The following MICALL2 variants were observed in gnomAD, a reference collection of about 807,000 sequenced individuals.
MICALL2 encodes MICAL like 2.
A neutral mutation model predicts 91.1 loss-of-function variants in MICALL2; 111 were observed. The observed-to-expected ratio is 1.22, with a 90% CI of 1.04 to 1.43. MICALL2 has a LOEUF of 1.43. MICALL2 is among the 40% of genes most tolerant of loss of function. The pLI is 0.00. For synonymous variants in MICALL2, 694 were observed against 525.3 expected (o/e 1.32, Z -4.39); for missense variants, 1,556 against 1,236.0 (o/e 1.26, Z -3.88).
At chr7:1,445,821 C>A (rs1584220781) in intron 5 of MICALL2, among the ~76,000 whole-genome samples, 1 of 152,180 alleles carries the variant, frequency 6.6e-6, no homozygotes, top group South Asian at 2.1e-4. Flanking sequence ...ACTGGGAGGA[C>A]CGGCCCACCC....
intron 2 of MICALL2, among the ~76,000 whole-genome samples, chr7:1,449,952 C>T (rs1409841610): frequency 1.1e-3 from 2 of 1,884 alleles, no homozygotes; most frequent in African/African-American, 0.014. Flanking sequence ...TGGGCTGAGC[C>T]CCCTTGCAGT....
intron 7 of MICALL2, chr7:1,441,016 C>T (rs1370667263): frequency 2.4e-5 from 8 of 338,402 alleles, no homozygotes; most frequent in Non-Finnish European, 4.0e-5. Flanking sequence ...ACCTGAGCCA[C>T]GGCTGCCCGT....
At position 1,435,130 on chromosome 7, in the gene MICALL2, TG is replaced by T. The variant is rs777111830; in HGVS notation, c.2608del (p.Gln870ArgfsTer6). ...CTTCTCAATCATGTCCCGCAGCATC[TG>T]ATCCTCCTCTTGTTCCCTGAAACGG... is the stretch of plus-strand genomic sequence containing the variant. ...EDRLREQEED[Q>X]MLRDMIEKLG... On this transcript the variant is annotated frameshift_variant, in exon 16 of 17. Coordinates refer to ENST00000297508, the MANE Select transcript of MICALL2 (RefSeq NM_182924.4). LOFTEE classifies it high-confidence loss of function. 1.9e-6 allele frequency: 3 copies of T among 1,613,528 alleles called. No homozygotes were observed. The highest frequency in any genetic ancestry group is 3.3e-5 in the Admixed American group (2 of 60,016).
intron 13 of MICALL2, 80 bp downstream of exon 13, chr7:1,437,810 C>A (rs1780046999): frequency 1.5e-6 from 2 of 1,370,920 alleles, no homozygotes; most frequent in East Asian, 2.5e-5. Context: ...CCTGACTCTG[C>A]GCTCCTGTCC....
At chr7:1,439,083 G>A (rs954699640) in intron 9 of MICALL2, 88 bp from the exon 10 acceptor site, 10 of 1,078,914 alleles carry the variant, frequency 9.3e-6, no homozygotes, top group African/African-American at 7.9e-5. Context: ...ACAGCTCGCT[G>A]GGTAGCCCGG....
chr7:1,448,804 C>T (rs747848876), intron 2 of MICALL2, 43 bp from the exon 3 acceptor site: 2 of 1,606,576 alleles, frequency 1.2e-6, no homozygotes, highest in Non-Finnish European at 1.7e-6. Flanking sequence ...CTGGGAGCCC[C>T]CTCCTTCTCC....
chr7:1,458,866 G>A (rs1354736291), intron 1 of MICALL2, among the ~76,000 whole-genome samples: 3 of 152,238 alleles, frequency 2.0e-5, no homozygotes, highest in Non-Finnish European at 2.9e-5. Context: ...GCCTCGGAGG[G>A]CCCAAAGAGG....
intron 16 of MICALL2, 112 bp downstream of exon 16, chr7:1,434,989 C>A (rs868022991): frequency 7.9e-6 from 2 of 253,730 alleles, no homozygotes; most frequent in South Asian, 5.3e-5. Flanking sequence ...ATACCCGCCC[C>A]CCCCCCACCC....
At position 1,445,019 on chromosome 7, in the gene MICALL2, C is replaced by G. The variant is rs1408966509; in HGVS notation, c.1051G>C (p.Ala351Pro). ...TNSSPMGWSS[A>P]APCTAAAASH... ...GCAGCCGCTGCTGTGCACGGGGCAG[C>G]TGACGACCAGCCCATCGGGGAGCTA... The change falls in exon 6 of 17, where the codon GCT (alanine) becomes CCT (proline). Residue 351 changes from alanine to proline, a missense_variant. Physicochemically the swap from Ala to Pro is conservative, Grantham distance 27 (BLOSUM62 -1). Transcript: ENST00000297508. 2 of 1,524,544 alleles carry G rather than the reference C, an allele frequency of 1.3e-6. No homozygotes were observed. Among genetic ancestry groups the G allele is most frequent in the African/African-American group, 2.8e-5 (2 of 72,666 alleles). 94.4% of individuals were successfully genotyped at this position (1,524,544 alleles called of 1,614,324 possible). A position where few individuals can be genotyped will look rare whatever the true frequency, so the allele number is the denominator to read the frequency against.
chr7:1,440,708 G>C lies in MICALL2; in HGVS notation c.1712-24C>G, dbSNP rs373863334. ...GTCTGGGTGGGAGGCAAGGGGTCTG[G>C]GTGTGAGGAAGGAGTGCTGGGAATG... On this transcript the variant is annotated intron_variant, in intron 7 of 16. Transcript: ENST00000297508. The C allele has an allele frequency of 2.8e-4, 450 of 1,597,504 alleles. 1 individual carries two copies. In the African/African-American group the frequency reaches 5.5e-3, roughly 20 times the overall value.
At chr7:1,446,683 C>A in intron 5 of MICALL2, 30 bp downstream of exon 5, 1 of 1,516,936 alleles carries the variant, frequency 6.6e-7, no homozygotes, top group Non-Finnish European at 9.0e-7. Context: ...GAGGTGCACA[C>A]TCAGGCGTGC....
chr7:1,439,614 CAT>C, intron 9 of MICALL2: 1 of 309,956 alleles, frequency 3.2e-6, no homozygotes, highest in Non-Finnish European at 5.9e-6. Context: ...TCACACATCA[CAT>C]ACATGAACAG....
intron 10 of MICALL2, chr7:1,438,629 C>T (rs1412496126): frequency 7.0e-7 from 1 of 1,421,080 alleles, no homozygotes; most frequent in Admixed American, 2.9e-5. Context: ...ATTCCATCAT[C>T]ACCATGAGTC....
At chr7:1,442,066 G>C (rs1474542365) in intron 7 of MICALL2, 126 bp downstream of exon 7, 7 of 1,095,796 alleles carry the variant, frequency 6.4e-6, no homozygotes, top group Middle Eastern at 3.1e-4. Flanking sequence ...ACGGAGGACA[G>C]AGATGAGACG....
Position 1,445,314 on chromosome 7 carries a change from CA to C in MICALL2, c.755del (p.Leu252Ter). Reference protein sequence around the residue: ...LPAAASASPKLTGLVPRQPGA... With the variant: ...LPAAASASPKXTGLVPRQPGA... ...CTGGCTGTCGGGGGACCAGACCCGT[CA>C]ACTTGGGGCTTGCAGAGGCGGCTGC... On this transcript the variant is annotated frameshift_variant, in exon 6 of 17. Coordinates refer to ENST00000297508, the MANE Select transcript of MICALL2 (RefSeq NM_182924.4). LOFTEE classifies it high-confidence loss of function. 1 of 1,611,386 alleles carries C rather than the reference CA, an allele frequency of 6.2e-7. No homozygotes were observed.
chr7:1,456,684 T>C (rs977682912), intron 1 of MICALL2, among the ~76,000 whole-genome samples: 5 of 152,114 alleles, frequency 3.3e-5, no homozygotes, highest in African/African-American at 4.8e-5. Flanking sequence ...GGTGGGAGGA[T>C]TGCTTGAGTC....
Position 1,447,639 on chromosome 7 carries a change from G to A in MICALL2, c.461C>T (p.Pro154Leu), listed in dbSNP as rs1191612647. The A allele has an allele frequency of 1.3e-6, 2 of 1,597,726 alleles. No individual in the cohort carries two copies. Among genetic ancestry groups the A allele is most frequent in the South Asian group, 1.1e-5 (1 of 88,026 alleles). Reference sequence around the variant, plus strand: ...CTGGACCACAGGGTTTGTCTGGGCTGGAGATAGTGGAGGCTTCCGGGCTGG... The same window carrying A: ...CTGGACCACAGGGTTTGTCTGGGCTAGAGATAGTGGAGGCTTCCGGGCTGG... ...PAPARKPPLS[P>L]AQTNPVVQRR... is the part of the protein sequence containing the mutation. Residue 154 changes from proline to leucine, a missense_variant, in exon 4 of 17, where the codon CCA (proline) becomes CTA (leucine). Physicochemically the swap from Pro to Leu is moderately conservative, Grantham distance 98 (BLOSUM62 -3). Transcript: ENST00000297508.
At position 1,434,985 on chromosome 7, in the gene MICALL2, G is replaced by GCC. The variant is rs145154210; in HGVS notation, c.2638+114_2638+115dup. ...AGGCTGAGGGGGGGACCCGATACCC[G>GCC]CCCCCCCCCCACCCCCAGCTGGAGG... On this transcript the variant is annotated intron_variant, in intron 16 of 16. Coordinates refer to ENST00000297508, the MANE Select transcript of MICALL2 (RefSeq NM_182924.4). 5.1e-4 allele frequency: 131 copies of GCC among 258,766 alleles called. No homozygotes were observed. The East Asian group carries it at 9.7e-3, about 19-fold the overall frequency. 16.0% of individuals were successfully genotyped at this position (258,766 alleles called of 1,614,324 possible). A position where few individuals can be genotyped will look rare whatever the true frequency, so the allele number is the denominator to read the frequency against.
chr7:1,440,353 G>T, intron 8 of MICALL2: 1 of 619,712 alleles, frequency 1.6e-6, no homozygotes, highest in Non-Finnish European at 2.8e-6. Context: ...CCCAGCTGCA[G>T]GCATGGTGCG....
Sources: gnomAD v4.1 joint callset for allele counts (sites outside exome capture counted in the v4.1 genomes callset) on GRCh38, gnomAD v4.1.1 for gene constraint, MANE v1.5 for transcripts, NCBI Gene and HGNC (gene_info 2026-07-23, HGNC 2026-07-21) for gene names.